The following ARHGAP25 variants were observed in gnomAD, a reference collection of about 807,000 sequenced individuals.
ARHGAP25 encodes the protein Rho GTPase activating protein 25.
A neutral mutation model predicts 71.0 loss-of-function variants in ARHGAP25; 34 were observed. That is an observed-to-expected ratio of 0.48 (90% CI 0.36 to 0.64). The LOEUF (loss-of-function observed/expected upper bound fraction) is 0.64. Among genes scored for constraint, ARHGAP25 ranks in the 30% least tolerant of loss-of-function variants. The probability of loss-of-function intolerance (pLI) is 0.00; values close to 1 mark genes in which losing one functional copy is unlikely to be tolerated. For missense variants in ARHGAP25, 706 were observed against 805.1 expected, an observed-to-expected ratio of 0.88 and a Z score of 1.49; for synonymous variants, 282 against 296.5, an observed-to-expected ratio of 0.95 and a Z score of 0.50.
At chr2:68,813,037 G>A (rs1401667520) in intron 5 of ARHGAP25, among the ~76,000 whole-genome samples, 1 of 152,214 alleles carries the variant, frequency 6.6e-6, no homozygotes, top group Non-Finnish European at 1.5e-5. Context: ...TAGTAAAAAT[G>A]TAGACCTTGA....
intron 1 of ARHGAP25, among the ~76,000 whole-genome samples, chr2:68,762,297 T>A (rs1676872649): frequency 6.6e-6 from 1 of 152,190 alleles, no homozygotes; most frequent in African/African-American, 2.4e-5. Context: ...AAAAGAGTTC[T>A]GAAAATGGAT....
At chr2:68,726,932 T>C (rs1358919301) in intron 2 of ARHGAP25, among the ~76,000 whole-genome samples, 2 of 152,020 alleles carry the variant, frequency 1.3e-5, no homozygotes, top group African/African-American at 4.8e-5. Context: ...TTCCTTTCTG[T>C]TTTTTTTCCA....
At chr2:68,736,201 C>G (rs907590068) in intron 1 of ARHGAP25, among the ~76,000 whole-genome samples, 1 of 152,072 alleles carries the variant, frequency 6.6e-6, no homozygotes, top group Non-Finnish European at 1.5e-5. Flanking sequence ...AATAAGTGCT[C>G]CATTGAAAAG....
intron 1 of ARHGAP25, among the ~76,000 whole-genome samples, chr2:68,764,494 T>C (rs1291850281): frequency 2.0e-5 from 3 of 152,290 alleles, no homozygotes; most frequent in Non-Finnish European, 4.4e-5. Context: ...AAGTTCATTT[T>C]CTTCTTGTTT....
chr2:68,787,803 A>G lies in ARHGAP25; in HGVS notation c.350-37A>G, dbSNP rs756363604. On this transcript the variant is annotated intron_variant, in intron 3 of 10. Coordinates refer to ENST00000409202, the MANE Select transcript of ARHGAP25 (RefSeq NM_001007231.3). ...TTCCCCTTGCTCTCATGTTCTTATC[A>G]CTCTAAGACCTTCACAAGTGCTAAT... 6.4e-6 allele frequency: 10 copies of G among 1,550,482 alleles called. No individual in the cohort carries two copies. The Admixed American group carries it at 8.4e-5, about 13-fold the overall frequency.
chr2:68,774,008 C>G (rs1412274633), intron 1 of ARHGAP25, among the ~76,000 whole-genome samples: 1 of 152,184 alleles, frequency 6.6e-6, no homozygotes, highest in Non-Finnish European at 1.5e-5. Flanking sequence ...AAAGGTAGAA[C>G]TAGTCTCCAA....
rs1162177474 is a variant in ARHGAP25, at chr2:68,822,652, A to T, written c.1513A>T (p.Asn505Tyr). Residue 505 changes from asparagine to tyrosine, a missense_variant, in exon 10 of 11, where the codon AAC becomes TAC. By Grantham distance (143) the Asn-to-Tyr change is moderately radical (BLOSUM62 -2). Coordinates refer to ENST00000409202, the MANE Select transcript of ARHGAP25 (RefSeq NM_001007231.3). ...CTCCCAACGGACTTCCACCTACGAT[A>T]ACGTCCCTTCCCTGCCAGGGTCCCC... ...SDSQRTSTYDNVPSLPGSPGE... is the reference protein window; with the variant it reads ...SDSQRTSTYDYVPSLPGSPGE... 1 of 1,613,992 alleles carries T rather than the reference A, an allele frequency of 6.2e-7. No individual in the cohort carries two copies. The highest frequency in any genetic ancestry group is 8.5e-7 in the Non-Finnish European group (1 of 1,180,044).
intron 2 of ARHGAP25, among the ~76,000 whole-genome samples, chr2:68,778,402 A>G (rs1214302781): frequency 6.6e-6 from 1 of 152,238 alleles, no homozygotes; most frequent in Non-Finnish European, 1.5e-5. Flanking sequence ...AAGGCCTAGA[A>G]AGACATACAC....
chr2:68,804,022 C>T (rs1363213055), intron 4 of ARHGAP25, among the ~76,000 whole-genome samples: 6 of 151,532 alleles, frequency 4.0e-5, no homozygotes, highest in South Asian at 2.1e-4. Context: ...AGCAGCAGGG[C>T]GGGGATGTTG....
At chr2:68,728,393 A>G (rs1341068596) in intron 2 of ARHGAP25, among the ~76,000 whole-genome samples, 1 of 152,218 alleles carries the variant, frequency 6.6e-6, no homozygotes, top group Non-Finnish European at 1.5e-5. Context: ...TGGAAATGTA[A>G]AATGGTGCAG....
At chr2:68,789,624 G>A (rs983380552) in intron 4 of ARHGAP25, among the ~76,000 whole-genome samples, 2 of 152,156 alleles carry the variant, frequency 1.3e-5, no homozygotes, top group Admixed American at 6.5e-5. Flanking sequence ...GCTGGATTAT[G>A]AGATTGTGAG....
intron 3 of ARHGAP25, among the ~76,000 whole-genome samples, chr2:68,784,372 C>A (rs367747668): frequency 2.6e-4 from 39 of 152,250 alleles, no homozygotes; most frequent in African/African-American, 9.4e-4. Context: ...TCCTCTTTTG[C>A]AAGATGATTC....
intron 1 of ARHGAP25, among the ~76,000 whole-genome samples, chr2:68,774,211 C>T (rs1012748770): frequency 6.6e-6 from 1 of 152,026 alleles, no homozygotes; most frequent in African/African-American, 2.4e-5. Context: ...GCCAAGGAGA[C>T]AAGGGCATCA....
At chr2:68,770,562 C>T (rs1006491183) in intron 1 of ARHGAP25, among the ~76,000 whole-genome samples, 1 of 152,132 alleles carries the variant, frequency 6.6e-6, no homozygotes, top group Non-Finnish European at 1.5e-5. Flanking sequence ...CTTCTCTGTT[C>T]GTACTTCCTT....
At chr2:68,718,095 G>C (rs987302784) in intron 2 of ARHGAP25, among the ~76,000 whole-genome samples, 4 of 151,862 alleles carry the variant, frequency 2.6e-5, no homozygotes, top group Non-Finnish European at 5.9e-5. Context: ...TCATCAAAGA[G>C]TGTTATAAAG....
At chr2:68,755,707 G>A (rs904456904) in intron 1 of ARHGAP25, among the ~76,000 whole-genome samples, 5 of 152,186 alleles carry the variant, frequency 3.3e-5, no homozygotes, top group Admixed American at 3.3e-4. Flanking sequence ...CTGATTTTAA[G>A]TTGGCTTGTT....
At chr2:68,800,884 A>G (rs1679916859) in intron 4 of ARHGAP25, among the ~76,000 whole-genome samples, 1 of 152,052 alleles carries the variant, frequency 6.6e-6, no homozygotes, top group Non-Finnish European at 1.5e-5. Flanking sequence ...TTATAATTAC[A>G]TTATGGTAAT....
At position 68,817,957 on chromosome 2, in the gene ARHGAP25, C is replaced by T. The variant is rs750818836; in HGVS notation, c.966C>T (p.Ile322=). Residue 322 remains isoleucine, a synonymous_variant, in exon 8 of 11, where the codon ATC becomes ATT. Transcript: ENST00000409202. The stretch of plus-strand genomic sequence containing the variant: ...CTACTGTGATTGGTGTGAATCTCAT[C>T]AGGTCGAAGGTCGAAGACCCTGCCG... ...NLATVIGVNL[I]RSKVEDPAVI... is the part of the protein sequence containing the mutation. 6.2e-6 allele frequency: 10 copies of T among 1,614,042 alleles called. No individual in the cohort carries two copies. The highest frequency in any genetic ancestry group is 3.3e-5 in the South Asian group (3 of 91,082).
intron 4 of ARHGAP25, among the ~76,000 whole-genome samples, chr2:68,800,788 G>A (rs1679910892): frequency 6.6e-6 from 1 of 152,138 alleles, no homozygotes; most frequent in Non-Finnish European, 1.5e-5. Flanking sequence ...GATAGCACAT[G>A]TGAAAGTATC....
Sources: allele counts gnomAD v4.1 joint callset (sites outside exome capture counted in the v4.1 genomes callset), GRCh38; gene constraint gnomAD v4.1.1; transcripts MANE v1.5; gene names NCBI Gene and HGNC (gene_info 2026-07-23, HGNC 2026-07-21).